Variants in ART3 observed in about 807,000 individuals in gnomAD.
The protein encoded by ART3 is ADP-ribosyltransferase 3 (inactive).
Under a neutral mutation model 48.5 loss-of-function variants are expected in ART3, and 49 were observed. The observed-to-expected ratio is 1.01, with a 90% CI of 0.80 to 1.28. The LOEUF (loss-of-function observed/expected upper bound fraction) is 1.28, where lower values mean the gene tolerates loss of function less well. ART3 is among the 50% of genes most tolerant of loss of function. The pLI is 0.00. For synonymous variants in ART3, 145 were observed against 157.2 expected, an observed-to-expected ratio of 0.92 and a Z score of 0.58; for missense variants, 438 against 454.3, an observed-to-expected ratio of 0.96 and a Z score of 0.33.
intron 3 of ART3, among the ~76,000 whole-genome samples, chr4:76,090,061 CAA>C (rs943815737): frequency 6.6e-6 from 1 of 152,082 alleles, no homozygotes; most frequent in African/African-American, 2.4e-5. Context: ...GCCTGGGTGA[CAA>C]GAGTGAAACT....
At chr4:76,057,581 A>G (rs925044429) in intron 1 of ART3, among the ~76,000 whole-genome samples, 1 of 152,224 alleles carries the variant, frequency 6.6e-6, no homozygotes, top group African/African-American at 2.4e-5. Context: ...TGTACTCTGC[A>G]TCTATTAACT....
At chr4:76,039,892 T>C (rs1192361441) in intron 1 of ART3, among the ~76,000 whole-genome samples, 1 of 152,244 alleles carries the variant, frequency 6.6e-6, no homozygotes, top group East Asian at 1.9e-4. Flanking sequence ...GTAGAAAAAC[T>C]GTGGATCACA....
At chr4:76,100,359 G>C (rs536536122) in intron 6 of ART3, 39 bp downstream of exon 6, 6 of 1,591,454 alleles carry the variant, frequency 3.8e-6, no homozygotes, top group Admixed American at 1.7e-5. Flanking sequence ...TTGGCCAGGC[G>C]TGGTGGCTTA....
chr4:76,101,157 A>G (rs1299579499), intron 8 of ART3, 138 bp downstream of exon 8: 1 of 971,710 alleles, frequency 1.0e-6, no homozygotes, highest in Non-Finnish European at 1.5e-6. Flanking sequence ...TTGGTATATT[A>G]GAGACTCTCC....
At chr4:76,041,702 T>C (rs1177223270) in intron 1 of ART3, among the ~76,000 whole-genome samples, 1 of 152,262 alleles carries the variant, frequency 6.6e-6, no homozygotes, top group African/African-American at 2.4e-5. Flanking sequence ...CAAATTGAAC[T>C]AGCTACATTT....
At chr4:76,112,192 C>T (rs555112522) in intron 11 of ART3, among the ~76,000 whole-genome samples, 194 bp from the exon 12 acceptor site, 45 of 152,254 alleles carry the variant, frequency 3.0e-4, no homozygotes, top group African/African-American at 9.4e-4. Flanking sequence ...TAAGGGTCAA[C>T]TGTATATGGA....
At chr4:76,058,387 A>G (rs957876073) in intron 1 of ART3, among the ~76,000 whole-genome samples, 4 of 152,178 alleles carry the variant, frequency 2.6e-5, no homozygotes, top group African/African-American at 9.6e-5. Flanking sequence ...CCTAATGTAG[A>G]GACTGAGCTT....
chr4:76,069,101 A>C (rs965813041), intron 1 of ART3, among the ~76,000 whole-genome samples: 1 of 151,982 alleles, frequency 6.6e-6, no homozygotes, highest in Non-Finnish European at 1.5e-5. Flanking sequence ...CTGTATGATA[A>C]TAGTTAACAT....
intron 8 of ART3, among the ~76,000 whole-genome samples, chr4:76,101,989 T>C (rs576261122): frequency 6.6e-6 from 1 of 152,328 alleles, no homozygotes; most frequent in East Asian, 1.9e-4. Flanking sequence ...AGTGTTATGG[T>C]AGTGTCAAAA....
chr4:76,110,797 A>G (rs1729331313), intron 11 of ART3, among the ~76,000 whole-genome samples: 2 of 152,060 alleles, frequency 1.3e-5, no homozygotes, highest in South Asian at 2.1e-4. Context: ...ATTTGCATCA[A>G]TTTGAAGAAA....
intron 1 of ART3, among the ~76,000 whole-genome samples, chr4:76,043,285 T>C (rs6532126): frequency 0.62 from 93,569 of 151,740 alleles, 30,204 homozygotes; most frequent in East Asian, 0.94. Flanking sequence ...GTCCCGGTGC[T>C]GTGTGCCCAC....
rs778056257 is a variant in ART3, at chr4:76,082,012, C to T, written c.258C>T (p.Leu86=). ...KWAARKTQIF[L]PMNFKDNHGI... is the part of the protein sequence containing the mutation. ...CAGCCCGAAAGACTCAAATCTTTCTCCCTATGAATTTTAAGGATAACCATG... is the reference window on the plus strand; with the variant it reads ...CAGCCCGAAAGACTCAAATCTTTCTTCCTATGAATTTTAAGGATAACCATG... Residue 86 remains leucine, a synonymous_variant, in exon 3 of 12, where the codon CTC becomes CTT. Coordinates refer to ENST00000355810, the MANE Select transcript of ART3 (RefSeq NM_001130016.3). The T allele has an allele frequency of 4.6e-5, 74 of 1,614,146 alleles. No homozygotes were observed. The highest frequency in any genetic ancestry group is 5.9e-5 in the Non-Finnish European group (70 of 1,180,020).
At chr4:76,079,791 G>A (rs1056091612) in intron 2 of ART3, among the ~76,000 whole-genome samples, 7 of 152,078 alleles carry the variant, frequency 4.6e-5, no homozygotes, top group African/African-American at 1.7e-4. Context: ...GTTCGTGAGG[G>A]AGAGAAGAGA....
At chr4:76,042,631 G>C (rs888782847) in intron 1 of ART3, among the ~76,000 whole-genome samples, 14 of 152,004 alleles carry the variant, frequency 9.2e-5, no homozygotes, top group Non-Finnish European at 1.5e-5. Context: ...CGCGTCTGGA[G>C]TTTGTTCCTT....
intron 3 of ART3, among the ~76,000 whole-genome samples, chr4:76,086,269 A>G (rs796080326): frequency 3.3e-5 from 5 of 152,278 alleles, no homozygotes; most frequent in African/African-American, 1.2e-4. Context: ...AATGAGGTAT[A>G]TATACAATAG....
chr4:76,042,719 C>CT (rs1461862163), intron 1 of ART3, among the ~76,000 whole-genome samples: 1 of 152,114 alleles, frequency 6.6e-6, no homozygotes, highest in African/African-American at 2.4e-5. Context: ...AAGCTGCAGA[C>CT]TTTCGCGGTG....
intron 1 of ART3, chr4:76,035,132 C>T (rs201217120): frequency 3.2e-6 from 5 of 1,542,618 alleles, no homozygotes; most frequent in Non-Finnish European, 4.3e-6. Flanking sequence ...GTTAAAAGAA[C>T]ATACAAGAGT....
Position 76,104,361 on chromosome 4 carries a change from G to A in ART3, c.971-236G>A, listed in dbSNP as rs192862914. ...CCTGTATCTCCAGGTAACAAAACAC[G>A]ATATTCTCCTGGCATAAACATGCTC... On this transcript the variant is annotated intron_variant, in intron 9 of 11. Coordinates refer to ENST00000355810, the MANE Select transcript of ART3 (RefSeq NM_001130016.3). 50 of 985,378 alleles carry A rather than the reference G, an allele frequency of 5.1e-5. No homozygotes were observed. In the African/African-American group the frequency reaches 7.5e-4, roughly 15 times the overall value. The allele number at this position is 985,378 out of a possible 1,614,324, so 61.0% of individuals were successfully genotyped here. A position where few individuals can be genotyped will look rare whatever the true frequency, so the allele number is the denominator to read the frequency against.
At chr4:76,099,966 T>C (rs1300166753) in intron 5 of ART3, among the ~76,000 whole-genome samples, 1 of 152,226 alleles carries the variant, frequency 6.6e-6, no homozygotes, top group African/African-American at 2.4e-5. Context: ...TATTGTTCCG[T>C]TGCAGTCACA....
Sources: gnomAD v4.1 joint callset for allele counts (sites outside exome capture counted in the v4.1 genomes callset) on GRCh38, gnomAD v4.1.1 for gene constraint, MANE v1.5 for transcripts, NCBI Gene and HGNC (gene_info 2026-07-23, HGNC 2026-07-21) for gene names.